Variants in TEX15 observed in about 807,000 individuals in gnomAD.
TEX15 encodes the protein testis-expressed protein 15.
Under a neutral mutation model 237.3 loss-of-function variants are expected in TEX15, and 171 were observed. The ratio of observed to expected loss-of-function variants is 0.72; its 90% CI spans 0.64 to 0.82. The LOEUF (loss-of-function observed/expected upper bound fraction) is 0.82, where lower values mean the gene tolerates loss of function less well. Ranked by LOEUF, TEX15 falls within the 40% of genes least tolerant of loss-of-function variation. The probability of loss-of-function intolerance (pLI) is 0.00; values close to 1 mark genes in which losing one functional copy is unlikely to be tolerated. For missense variants in TEX15, 3,750 were observed against 3,646.5 expected, an observed-to-expected ratio of 1.03 and a Z score of -0.73; for synonymous variants, 1,338 against 1,269.8, an observed-to-expected ratio of 1.05 and a Z score of -1.14.
intron 1 of TEX15, among the ~76,000 whole-genome samples, chr8:30,901,905 T>C (rs971606379): frequency 3.9e-5 from 6 of 152,354 alleles, no homozygotes; most frequent in South Asian, 4.1e-4. Context: ...TATAGATCAC[T>C]GGCTACGCAA....
intron 8 of TEX15, 79 bp from the exon 9 acceptor site, chr8:30,840,043 A>T: frequency 1.2e-6 from 1 of 816,766 alleles, no homozygotes; most frequent in Non-Finnish European, 1.8e-6. Flanking sequence ...TCAATATTAG[A>T]TATTTTTAAT....
chr8:30,877,595 T>A (rs1254527320), intron 3 of TEX15, among the ~76,000 whole-genome samples: 3 of 152,160 alleles, frequency 2.0e-5, no homozygotes, highest in Non-Finnish European at 4.4e-5. Context: ...TCATAACATA[T>A]GATGTAGAAA....
intron 5 of TEX15, among the ~76,000 whole-genome samples, chr8:30,864,871 A>C (rs888305658): frequency 6.6e-6 from 1 of 152,116 alleles, no homozygotes; most frequent in Non-Finnish European, 1.5e-5. Flanking sequence ...ATTGGTGTGT[A>C]TAGGTTTTTT....
intron 8 of TEX15, among the ~76,000 whole-genome samples, chr8:30,840,738 CT>C (rs1807432350): frequency 6.6e-6 from 1 of 152,106 alleles, no homozygotes; most frequent in African/African-American, 2.4e-5. Flanking sequence ...TACTCAGAAT[CT>C]ATCTGTTAAA....
chr8:30,887,079 A>G, intron 3 of TEX15, 88 bp downstream of exon 3: 1 of 1,196,452 alleles, frequency 8.4e-7, no homozygotes, highest in Non-Finnish European at 1.1e-6. Context: ...AATTTTATAT[A>G]GAGTCAAAAT....
Position 30,843,732 on chromosome 8 carries a change from G to GT in TEX15, c.6434dup (p.Tyr2145Ter), listed in dbSNP as rs748576802. The GT allele has an allele frequency of 6.2e-7, 1 of 1,613,172 alleles. No individual in the cohort carries two copies. Among genetic ancestry groups the GT allele is most frequent in the Admixed American group, 1.7e-5 (1 of 59,902 alleles). ...CAAGCAATTCAACTAATTGATCATGGTAAGTCTGTAACTCACAGAATGCAT... is the reference window on the plus strand; with the variant it reads ...CAAGCAATTCAACTAATTGATCATGGTTAAGTCTGTAACTCACAGAATGCAT... ...KYNAFCELQTYHDQLVELLEE... is the reference protein window; with the variant it reads ...KYNAFCELQT Residue 2145 changes from tyrosine to a stop codon, truncating the protein, a stop_gained and frameshift_variant, in exon 8 of 11, where the codon TAC becomes TAAC. Coordinates refer to ENST00000643185, the MANE Select transcript of TEX15 (RefSeq NM_001350162.2). LOFTEE classifies it high-confidence loss of function.
chr8:30,850,495 G>T (rs1361161860), intron 7 of TEX15, among the ~76,000 whole-genome samples: 1 of 152,044 alleles, frequency 6.6e-6, no homozygotes, highest in Non-Finnish European at 1.5e-5. Context: ...GTACCATAAG[G>T]TTCTTTTTCA....
intron 10 of TEX15, 146 bp downstream of exon 10, chr8:30,836,657 A>G: frequency 2.7e-6 from 2 of 740,388 alleles, no homozygotes; most frequent in South Asian, 2.0e-5. Context: ...TCTCTGCCCA[A>G]TCCATTGGCA....
intron 5 of TEX15, 29 bp downstream of exon 5, chr8:30,867,236 A>G: frequency 9.1e-7 from 1 of 1,097,312 alleles, no homozygotes; most frequent in Non-Finnish European, 1.3e-6. Context: ...AACTGTCCAT[A>G]TACTTAATAT....
At chr8:30,907,593 A>G (rs1809132574) in intron 1 of TEX15, among the ~76,000 whole-genome samples, 1 of 144,100 alleles carries the variant, frequency 6.9e-6, no homozygotes, top group Admixed American at 7.0e-5. Context: ...AATATACATT[A>G]TATTTAATTA....
rs949868929 is a variant in TEX15 at position 30,844,293 on chromosome 8, C to T, written c.5874G>A (p.Thr1958=). The change falls in exon 8 of 11, where the codon ACG becomes ACA. Residue 1958 remains threonine (T), a synonymous_variant. Coordinates refer to ENST00000643185, the MANE Select transcript of TEX15 (RefSeq NM_001350162.2). ...SKPGILGVNH[T]PILPAHSETC... ...TTTCAGAGTGGGCAGGTAAAATAGGCGTATGATTAACTCCTAGAATTCCTG... is the reference window on the plus strand; with the variant it reads ...TTTCAGAGTGGGCAGGTAAAATAGGTGTATGATTAACTCCTAGAATTCCTG... 7.4e-6 allele frequency: 12 copies of T among 1,613,132 alleles called. No individual in the cohort carries two copies. Among genetic ancestry groups the T allele is most frequent in the East Asian group, 2.2e-5 (1 of 44,868 alleles).
At chr8:30,887,372 G>C in intron 2 of TEX15, 61 bp from the exon 3 acceptor site, 1 of 1,323,200 alleles carries the variant, frequency 7.6e-7, no homozygotes, top group Non-Finnish European at 9.8e-7. Context: ...GGCAATGGCA[G>C]TACAATCATT....
At position 30,845,343 on chromosome 8, in the gene TEX15, A is replaced by G. The variant is rs766072798; in HGVS notation, c.4824T>C (p.Ala1608=). 6.2e-7 allele frequency: 1 copy of G among 1,612,340 alleles called. No homozygotes were observed. Among genetic ancestry groups the G allele is most frequent in the Admixed American group, 1.7e-5 (1 of 59,834 alleles). ...AATTACTTTCATTTATTACTTCATTAGCGTCACAACTGTTTTCTTTAGTTG... is the reference window on the plus strand; with the variant it reads ...AATTACTTTCATTTATTACTTCATTGGCGTCACAACTGTTTTCTTTAGTTG... ...KDATKENSCD[A]NEVINESNSV... Residue 1608 remains alanine (A), a synonymous_variant, in exon 8 of 11, where the codon GCT becomes GCC. Transcript: ENST00000643185.
chr8:30,887,975 G>T (rs1296166236), intron 2 of TEX15, among the ~76,000 whole-genome samples: 2 of 141,962 alleles, frequency 1.4e-5, no homozygotes, highest in Non-Finnish European at 3.0e-5. Flanking sequence ...TCATGTAACT[G>T]CTATTAGGTA....
At chr8:30,858,606 A>G in intron 7 of TEX15, 62 bp downstream of exon 7, 1 of 1,367,214 alleles carries the variant, frequency 7.3e-7, no homozygotes, top group Non-Finnish European at 9.8e-7. Context: ...CCAGTAAATA[A>G]TACTGAGAAA....
At chr8:30,836,775 A>G (rs148072712) in intron 10 of TEX15, 28 bp downstream of exon 10, 165 of 1,547,810 alleles carry the variant, frequency 1.1e-4, no homozygotes, top group Non-Finnish European at 1.2e-4. Flanking sequence ...ACAACTCAAT[A>G]AAGCAGGCAT....
At chr8:30,894,895 T>C (rs1471864524) in intron 2 of TEX15, among the ~76,000 whole-genome samples, 1 of 152,168 alleles carries the variant, frequency 6.6e-6, no homozygotes, top group Non-Finnish European at 1.5e-5. Context: ...CTTTGTAGCT[T>C]CCACCATGTG....
intron 1 of TEX15, among the ~76,000 whole-genome samples, chr8:30,900,493 CTA>C (rs1808986882): frequency 6.6e-6 from 1 of 152,176 alleles, no homozygotes; most frequent in Non-Finnish European, 1.5e-5. Flanking sequence ...GATGACATTT[CTA>C]TGTCTACTGT....
chr8:30,851,892 C>A (rs915605997), intron 7 of TEX15, among the ~76,000 whole-genome samples: 9 of 151,900 alleles, frequency 5.9e-5, no homozygotes, highest in Non-Finnish European at 1.3e-4. Context: ...CGAGATGGCA[C>A]CACTGCACTC....
Sources: allele counts gnomAD v4.1 joint callset (sites outside exome capture counted in the v4.1 genomes callset), GRCh38; gene constraint gnomAD v4.1.1; transcripts MANE v1.5; gene names NCBI Gene and HGNC (gene_info 2026-07-23, HGNC 2026-07-21).